Variants in POLA1 observed in about 807,000 individuals in gnomAD.
The protein encoded by POLA1 is DNA polymerase alpha catalytic subunit.
A neutral mutation model predicts 124.0 loss-of-function variants in POLA1; 15 were observed. The observed-to-expected ratio is 0.12, with a 90% CI of 0.08 to 0.19. The LOEUF (loss-of-function observed/expected upper bound fraction) is 0.19. Among genes scored for constraint, POLA1 ranks in the 10% least tolerant of loss-of-function variants. The pLI is 1.00. For missense variants in POLA1, 886 were observed against 1,103.4 expected, an observed-to-expected ratio of 0.80 and a Z score of 2.79; for synonymous variants, 408 against 389.4, an observed-to-expected ratio of 1.05 and a Z score of -0.56.
chrX:24,789,677 T>C (rs922452964), intron 26 of POLA1, among the ~76,000 whole-genome samples: 3 of 111,986 alleles, frequency 2.7e-5, no homozygotes, highest in Non-Finnish European at 1.9e-5. Flanking sequence ...AGCATGAGTA[T>C]GGAAAAGAGA....
intron 26 of POLA1, among the ~76,000 whole-genome samples, chrX:24,805,636 A>C (rs1426078578): frequency 8.9e-6 from 1 of 112,132 alleles, no homozygotes; most frequent in African/African-American, 3.2e-5. Flanking sequence ...TACTTTGTTA[A>C]GGGAAAAATT....
chrX:24,847,748 CAG>C (rs1451818369), intron 34 of POLA1, among the ~76,000 whole-genome samples: 1 of 112,131 alleles, frequency 8.9e-6, no homozygotes, highest in Non-Finnish European at 1.9e-5. Context: ...CCCTTGCTCT[CAG>C]AAGTACGTGT....
chrX:24,888,219 C>G, intron 35 of POLA1, 97 bp downstream of exon 35: 1 of 517,560 alleles, frequency 1.9e-6, no homozygotes, highest in Non-Finnish European at 3.4e-6. Flanking sequence ...TGAAGATGCC[C>G]TACTACCATA....
chrX:24,885,036 C>T (rs927092089), intron 34 of POLA1, among the ~76,000 whole-genome samples: 24 of 111,803 alleles, frequency 2.1e-4, no homozygotes, highest in African/African-American at 7.5e-4. Context: ...GTTGTGAAGT[C>T]GTAGTAAATT....
At chrX:24,981,295 G>A (rs757831411) in intron 36 of POLA1, among the ~76,000 whole-genome samples, 2 of 112,317 alleles carry the variant, frequency 1.8e-5, no homozygotes, top group South Asian at 7.5e-4. Flanking sequence ...TTACTCATCA[G>A]ATGTGAACTC....
chrX:24,929,985 A>G (rs769547038), intron 35 of POLA1, among the ~76,000 whole-genome samples: 28 of 112,129 alleles, frequency 2.5e-4, no homozygotes, highest in Non-Finnish European at 4.5e-4. Flanking sequence ...CTGTGAGCCA[A>G]TCCTGGCACA....
intron 15 of POLA1, among the ~76,000 whole-genome samples, chrX:24,729,010 T>G (rs1189826114): frequency 8.9e-6 from 1 of 112,073 alleles, no homozygotes; most frequent in Admixed American, 9.5e-5. Context: ...GTACTTCATA[T>G]TGCATCATAT....
At chrX:24,745,665 T>C in intron 24 of POLA1, 123 bp downstream of exon 24, 1 of 455,983 alleles carries the variant, frequency 2.2e-6, no homozygotes, top group East Asian at 3.9e-5. Flanking sequence ...CTTCACCTGT[T>C]TGAAGTGTGT....
intron 36 of POLA1, among the ~76,000 whole-genome samples, chrX:24,942,972 C>T (rs1196982255): frequency 8.9e-6 from 1 of 112,515 alleles, no homozygotes; most frequent in Non-Finnish European, 1.9e-5. Flanking sequence ...GCTGGGATTA[C>T]AGGCGTGAGC....
chrX:24,793,338 T>G (rs1399068857), intron 26 of POLA1, among the ~76,000 whole-genome samples: 1 of 103,558 alleles, frequency 9.7e-6, no homozygotes, highest in Admixed American at 1.0e-4. Flanking sequence ...TTGCTTTGTG[T>G]GAGTCTACTT....
At chrX:24,694,127 G>A (rs1327359750) in intron 1 of POLA1, 123 bp downstream of exon 1, 3 of 704,460 alleles carry the variant, frequency 4.3e-6, no homozygotes, top group Non-Finnish European at 6.1e-6. Flanking sequence ...CGTCCCCGGC[G>A]GGGGCCCTTC....
chrX:24,930,357 G>A, intron 35 of POLA1, 96 bp from the exon 36 acceptor site: 1 of 574,873 alleles, frequency 1.7e-6, no homozygotes, highest in East Asian at 3.5e-5. Flanking sequence ...TGCTTGATTT[G>A]GAAGTTGAAA....
chrX:24,712,648 T>C, intron 4 of POLA1, among the ~76,000 whole-genome samples: 1 of 111,983 alleles, frequency 8.9e-6, no homozygotes, highest in East Asian at 2.8e-4. Flanking sequence ...TCATTTTTTT[T>C]CTTGCAAGTG....
At chrX:24,778,274 G>A (rs2045182551) in intron 26 of POLA1, among the ~76,000 whole-genome samples, 1 of 111,118 alleles carries the variant, frequency 9.0e-6, no homozygotes, top group African/African-American at 3.3e-5. Context: ...ATGGAGTCTT[G>A]CTCTGGAGTG....
intron 32 of POLA1, among the ~76,000 whole-genome samples, chrX:24,830,462 T>A (rs1456171081): frequency 8.9e-6 from 1 of 112,316 alleles, no homozygotes; most frequent in Admixed American, 9.4e-5. Flanking sequence ...ATGGTCCTCA[T>A]TATCCCACAG....
chrX:24,841,902 GTATATAA>G, intron 33 of POLA1, 72 bp downstream of exon 33: 1 of 776,149 alleles, frequency 1.3e-6, no homozygotes, highest in Non-Finnish European at 1.9e-6. Context: ...CCACTATGGG[GTATATAA>G]AAAGGGCGAA....
At chrX:24,757,122 A>G (rs1932645721) in intron 26 of POLA1, among the ~76,000 whole-genome samples, 2 of 111,743 alleles carry the variant, frequency 1.8e-5, no homozygotes, top group African/African-American at 3.3e-5. Flanking sequence ...TGAATTACCT[A>G]TCACTTTCAA....
chrX:24,875,485 A>G (rs1197796147), intron 34 of POLA1, among the ~76,000 whole-genome samples: 1 of 112,177 alleles, frequency 8.9e-6, no homozygotes, highest in African/African-American at 3.2e-5. Context: ...TCAAAGTGTA[A>G]AGAAGTTATC....
At position 24,694,033 on chromosome X, in the gene POLA1, C is replaced by T. The variant is rs192905548; in HGVS notation, c.43+29C>T. ...AGGGACAATTCCGCGCGCGGGGCTC[C>T]GGGTTGGGACAGTGGCATGATTGCC... On this transcript the variant is annotated intron_variant, in intron 1 of 36. Coordinates refer to ENST00000379068, the MANE Select transcript of POLA1 (RefSeq NM_001330360.2). 8.1e-5 allele frequency: 93 copies of T among 1,144,565 alleles called. 1 individual carries two copies. The East Asian group carries it at 9.6e-4, about 12-fold the overall frequency. The allele number at this position is 1,144,565 out of a possible 1,213,427, so 94.3% of individuals were successfully genotyped here. A position where few individuals can be genotyped will look rare whatever the true frequency, so the allele number is the denominator to read the frequency against.
Sources: allele counts gnomAD v4.1 joint callset (sites outside exome capture counted in the v4.1 genomes callset), GRCh38; gene constraint gnomAD v4.1.1; transcripts MANE v1.5; gene names NCBI Gene and HGNC (gene_info 2026-07-23, HGNC 2026-07-21).